The following EXOC4 variants were observed in gnomAD, a reference collection of about 807,000 sequenced individuals.
EXOC4 encodes the protein SEC8-like 1.
In EXOC4, 71 loss-of-function variants were observed where a neutral mutation model predicts 107.2. That is an observed-to-expected ratio of 0.66 (90% CI 0.55 to 0.81). The LOEUF (loss-of-function observed/expected upper bound fraction) is 0.81. Among genes scored for constraint, EXOC4 ranks in the 30% least tolerant of loss-of-function variants. The probability of loss-of-function intolerance (pLI) is 0.00; values close to 1 mark genes in which losing one functional copy is unlikely to be tolerated. For synonymous variants in EXOC4, 456 were observed against 441.2 expected (o/e 1.03, Z -0.42); for missense variants, 1,108 against 1,189.6 (o/e 0.93, Z 1.01).
intron 9 of EXOC4, among the ~76,000 whole-genome samples, chr7:133,622,276 AT>A (rs201643293): frequency 1.3e-5 from 2 of 151,692 alleles, no homozygotes; most frequent in African/African-American, 4.8e-5. Context: ...CACCTGGCCG[AT>A]TTTTTTTCTT....
intron 10 of EXOC4, among the ~76,000 whole-genome samples, chr7:133,677,323 T>C (rs536405878): frequency 6.6e-6 from 1 of 152,182 alleles, no homozygotes; most frequent in Admixed American, 6.5e-5. Context: ...AAGTGCCGTA[T>C]GCAGGTGATT....
chr7:133,676,324 C>G (rs1794056767), intron 10 of EXOC4, among the ~76,000 whole-genome samples: 1 of 152,114 alleles, frequency 6.6e-6, no homozygotes. Flanking sequence ...AAGTAGCATA[C>G]CAAGTATGCC....
intron 10 of EXOC4, among the ~76,000 whole-genome samples, chr7:133,747,177 G>A (rs1279500854): frequency 6.6e-6 from 1 of 152,110 alleles, no homozygotes; most frequent in African/African-American, 2.4e-5. Flanking sequence ...TACTCTGAAG[G>A]TCTGAGACTT....
At chr7:133,924,581 A>G (rs968293746) in intron 13 of EXOC4, among the ~76,000 whole-genome samples, 6 of 152,212 alleles carry the variant, frequency 3.9e-5, no homozygotes, top group African/African-American at 1.4e-4. Context: ...TTGAAGGCAA[A>G]ACAAATTAAA....
intron 7 of EXOC4, among the ~76,000 whole-genome samples, chr7:133,429,350 C>T (rs886307099): frequency 1.3e-4 from 20 of 152,016 alleles, no homozygotes; most frequent in South Asian, 2.1e-4. Flanking sequence ...TTCACTATGC[C>T]GTTTTCTAAC....
intron 10 of EXOC4, among the ~76,000 whole-genome samples, chr7:133,735,348 G>T (rs2151121953): frequency 6.6e-6 from 1 of 150,488 alleles, no homozygotes; most frequent in Admixed American, 6.7e-5. Flanking sequence ...TAAAGCAGCT[G>T]GGATCTGACT....
rs6972303 is a variant in EXOC4 at position 133,915,932 on chromosome 7, T to A, written c.1872-1651T>A. Reference sequence around the variant, plus strand: ...TGCCTCACCTCATTTCCCATGCAAGTGTGCCTTGAGCTCAAAACTTTAGAA... The same window carrying A: ...TGCCTCACCTCATTTCCCATGCAAGAGTGCCTTGAGCTCAAAACTTTAGAA... On this transcript the variant is annotated intron_variant, in intron 12 of 17. Transcript: ENST00000253861. 2.4e-3 allele frequency among the ~76,000 whole-genome samples: 366 copies of A among 152,248 alleles called. 5 individuals are homozygous for A. The highest frequency in any genetic ancestry group is 8.2e-3 in the African/African-American group (342 of 41,540).
chr7:133,669,004 ATTT>A (rs58354607), intron 10 of EXOC4, among the ~76,000 whole-genome samples: 3 of 118,440 alleles, frequency 2.5e-5, no homozygotes, highest in Admixed American at 9.6e-5. Flanking sequence ...TGTTCTCCCA[ATTT>A]TTTTTTTTTT....
At chr7:133,955,420 GCTC>G (rs1278109350) in intron 14 of EXOC4, among the ~76,000 whole-genome samples, 1 of 152,212 alleles carries the variant, frequency 6.6e-6, no homozygotes, top group Non-Finnish European at 1.5e-5. Flanking sequence ...GGAGTGGGTA[GCTC>G]CTCTCTGCAG....
At chr7:133,598,264 G>A (rs1033807624) in intron 9 of EXOC4, among the ~76,000 whole-genome samples, 3 of 152,192 alleles carry the variant, frequency 2.0e-5, no homozygotes, top group Non-Finnish European at 4.4e-5. Context: ...AGTTTCTGCT[G>A]CACCCTCATC....
chr7:133,916,945 T>TAA (rs1449966601), intron 12 of EXOC4, among the ~76,000 whole-genome samples: 1 of 152,202 alleles, frequency 6.6e-6, no homozygotes, highest in Non-Finnish European at 1.5e-5. Context: ...GCAGTGTTAA[T>TAA]AGCTAACCCA....
At chr7:133,662,549 C>T (rs1205763102) in intron 10 of EXOC4, among the ~76,000 whole-genome samples, 4 of 151,880 alleles carry the variant, frequency 2.6e-5, no homozygotes, top group South Asian at 2.1e-4. Context: ...CATGATTATC[C>T]TCACCTATCA....
chr7:133,845,292 T>TG (rs1563023934), intron 11 of EXOC4, among the ~76,000 whole-genome samples: 1 of 150,858 alleles, frequency 6.6e-6, no homozygotes, highest in Non-Finnish European at 1.5e-5. Flanking sequence ...TAAGATGTAC[T>TG]GAGCACCCAG....
At chr7:133,681,624 C>T (rs1020166717) in intron 10 of EXOC4, among the ~76,000 whole-genome samples, 1 of 152,144 alleles carries the variant, frequency 6.6e-6, no homozygotes, top group Non-Finnish European at 1.5e-5. Context: ...TCAATTACCT[C>T]CTCCTGGGTC....
the EXOC4 span, among the ~76,000 whole-genome samples, chr7:134,093,328 G>A: frequency 6.6e-6 from 1 of 151,950 alleles, no homozygotes; most frequent in South Asian, 2.1e-4. Context: ...GGACAAAGAA[G>A]GGCATTACAT....
intron 11 of EXOC4, among the ~76,000 whole-genome samples, chr7:133,822,977 T>C (rs1394095870): frequency 2.0e-5 from 3 of 152,222 alleles, no homozygotes; most frequent in Non-Finnish European, 4.4e-5. Context: ...CTTCCTAGTC[T>C]AGCACATTGA....
At chr7:133,336,426 A>G (rs1217446542) in intron 5 of EXOC4, among the ~76,000 whole-genome samples, 1 of 152,068 alleles carries the variant, frequency 6.6e-6, no homozygotes, top group Non-Finnish European at 1.5e-5. Context: ...TCTCCCCCCA[A>G]AGAGAAAGTA....
At chr7:133,567,389 C>T (rs570274778) in intron 9 of EXOC4, among the ~76,000 whole-genome samples, 6 of 151,114 alleles carry the variant, frequency 4.0e-5, no homozygotes, top group Admixed American at 1.3e-4. Context: ...AAGAGTATTA[C>T]GTTGTATTGT....
chr7:133,403,499 T>C (rs976682095), intron 7 of EXOC4, among the ~76,000 whole-genome samples: 1 of 149,660 alleles, frequency 6.7e-6, no homozygotes, highest in African/African-American at 2.6e-5. Context: ...CCCATTATAG[T>C]GATTGGCAAT....
Sources: allele counts gnomAD v4.1 joint callset (sites outside exome capture counted in the v4.1 genomes callset), GRCh38; gene constraint gnomAD v4.1.1; transcripts MANE v1.5; gene names NCBI Gene and HGNC (gene_info 2026-07-23, HGNC 2026-07-21).